ANKMY1: variants seen among roughly 807,000 people sequenced by gnomAD.
The protein encoded by ANKMY1 is ankyrin repeat and MYND domain containing 1, also known as ankyrin repeat and MYND domain-containing protein 1.
In ANKMY1, 98 loss-of-function variants were observed where a neutral mutation model predicts 102.0. That is an observed-to-expected ratio of 0.96 (90% CI 0.82 to 1.14). ANKMY1 has a LOEUF of 1.14. Ranked by LOEUF, ANKMY1 falls within the 50% of genes most tolerant of loss-of-function variation. The pLI is 0.00. For missense variants in ANKMY1, 1,330 were observed against 1,347.6 expected, an observed-to-expected ratio of 0.99 and a Z score of 0.20; for synonymous variants, 582 against 559.9, an observed-to-expected ratio of 1.04 and a Z score of -0.56.
rs555916350 is a variant in ANKMY1, at chr2:240,536,848, T to C, written c.481-7339A>G. On this transcript the variant is annotated intron_variant, in intron 4 of 17. Coordinates refer to ENST00000401804, the MANE Select transcript of ANKMY1 (RefSeq NM_001282771.3). ...CTTAAATGTATAATTTATTGTAATT[T>C]TTTCTCATGCTAAATATTCATTTTG... Among the ~76,000 whole-genome samples, 3 of 152,276 alleles carry C rather than the reference T, an allele frequency of 2.0e-5. No individual in the cohort carries two copies. In the South Asian group the frequency reaches 6.2e-4, roughly 32 times the overall value.
upstream of ANKMY1, chr2:240,561,039 A>C (rs201793117): frequency 2.0e-6 from 3 of 1,525,386 alleles, no homozygotes; most frequent in African/African-American, 1.4e-5. Flanking sequence ...CGCGTACCTC[A>C]TGCGGCACCG....
chr2:240,474,122 G>A, the ANKMY1 span, among the ~76,000 whole-genome samples: 1 of 151,802 alleles, frequency 6.6e-6, no homozygotes, highest in African/African-American at 2.4e-5. Context: ...TTGAGACAGA[G>A]TCTCACTCTG....
intron 15 of ANKMY1, among the ~76,000 whole-genome samples, chr2:240,490,222 G>A (rs1165651281): frequency 6.6e-6 from 1 of 152,126 alleles, no homozygotes; most frequent in Non-Finnish European, 1.5e-5. Context: ...ACTTTTTAAA[G>A]AATCAACTTT....
Position 240,500,509 on chromosome 2 carries a change from C to G in ANKMY1, c.2583G>C (p.Gln861His). The G allele has an allele frequency of 6.2e-7, 1 of 1,614,186 alleles. No homozygotes were observed. Reference sequence around the variant, plus strand: ...CTGTGCCCACTGCCTCCTTTTCTCCCTGCCTGAGCATTACAGGCTTCAGGA... The same window carrying G: ...CTGTGCCCACTGCCTCCTTTTCTCCGTGCCTGAGCATTACAGGCTTCAGGA... ...ADILKPVMLRQGEKEAVGTAV... is the reference protein window; with the variant it reads ...ADILKPVMLRHGEKEAVGTAV... Residue 861 changes from glutamine to histidine, a missense_variant, in exon 14 of 18, where the codon CAG (glutamine) becomes CAC (histidine). Transcript: ENST00000401804.
intron 15 of ANKMY1, among the ~76,000 whole-genome samples, chr2:240,488,090 T>G (rs1337842134): frequency 6.6e-6 from 1 of 152,174 alleles, no homozygotes; most frequent in Non-Finnish European, 1.5e-5. Flanking sequence ...TTTTGAATAT[T>G]TTTATAGTCT....
chr2:240,496,406 AGATAGATG>A (rs1434224786), intron 15 of ANKMY1, among the ~76,000 whole-genome samples: 27 of 90,594 alleles, frequency 3.0e-4, no homozygotes, highest in African/African-American at 3.9e-5. Flanking sequence ...ATAGATAGAT[AGATAGATG>A]TGCTTGATGG....
chr2:240,555,062 G>A lies in ANKMY1; in HGVS notation c.147-7C>T. The A allele has an allele frequency of 6.2e-7, 1 of 1,613,578 alleles. No individual in the cohort carries two copies. Among genetic ancestry groups the A allele is most frequent in the East Asian group, 2.2e-5 (1 of 44,876 alleles). On this transcript the variant is annotated splice_polypyrimidine_tract_variant and splice_region_variant and intron_variant, in intron 2 of 17. Transcript: ENST00000401804. ...AGGGGCTGCTGAAACATCCCTAAAA[G>A]GACAGGAGCAGAAGGAGGGAAGAGT...
chr2:240,529,443 C>A lies in ANKMY1; in HGVS notation c.547G>T (p.Val183Leu), dbSNP rs375615369. ...AGCTGCTCTCGGAACCACAGCCCCA[C>A]GTCCTGGCTGCCATCGGGGTAGGTC... Reference protein sequence around the residue: ...VETYPDGSQDVGLWFREQLIK... With the variant: ...VETYPDGSQDLGLWFREQLIK... The change falls in exon 5 of 18, where the codon GTG becomes TTG. Residue 183 changes from valine (V) to leucine (L), a missense_variant. Coordinates refer to ENST00000401804, the MANE Select transcript of ANKMY1 (RefSeq NM_001282771.3). This position sits in a 1 kb window ranked among gnomAD's most constrained non-coding sequence, Gnocchi z 4.2. The A allele has an allele frequency of 3.1e-6, 5 of 1,613,998 alleles. No homozygotes were observed. The Admixed American group carries it at 8.3e-5, about 27-fold the overall frequency.
intron 4 of ANKMY1, among the ~76,000 whole-genome samples, chr2:240,538,918 C>T (rs920400846): frequency 6.6e-6 from 1 of 152,092 alleles, no homozygotes; most frequent in African/African-American, 2.4e-5. Context: ...ACTTGGAGAA[C>T]TTTTATGTCT....
At chr2:240,483,861 G>C (rs921733779) in intron 15 of ANKMY1, among the ~76,000 whole-genome samples, 2 of 152,036 alleles carry the variant, frequency 1.3e-5, no homozygotes. Flanking sequence ...ACAGGTCCCA[G>C]TGTGTGATTT....
upstream of ANKMY1, chr2:240,560,877 G>C (rs900417524): frequency 2.8e-6 from 4 of 1,437,614 alleles, no homozygotes; most frequent in African/African-American, 1.5e-5. Context: ...CGGCGTGGCA[G>C]AGCTGCGCGT....
At chr2:240,469,440 G>A in the ANKMY1 span, among the ~76,000 whole-genome samples, 3 of 152,198 alleles carry the variant, frequency 2.0e-5, no homozygotes, top group Non-Finnish European at 4.4e-5. Context: ...AGTCCCTCTC[G>A]GTTCCTCACA....
chr2:240,490,279 G>T (rs1012209777), intron 15 of ANKMY1, among the ~76,000 whole-genome samples: 3 of 151,844 alleles, frequency 2.0e-5, no homozygotes, highest in African/African-American at 7.3e-5. Context: ...ATTTAGTTCT[G>T]CTCTGATCTT....
chr2:240,550,009 T>C (rs2091208397), intron 4 of ANKMY1, among the ~76,000 whole-genome samples: 1 of 151,690 alleles, frequency 6.6e-6, no homozygotes. Context: ...AGCCATCCCA[T>C]TACCGGGTAT....
intron 4 of ANKMY1, among the ~76,000 whole-genome samples, chr2:240,543,352 C>CAA (rs1311666573): frequency 1.2e-4 from 14 of 115,486 alleles, no homozygotes; most frequent in Non-Finnish European, 2.2e-4. Context: ...GACTCTTTCT[C>CAA]AAAAAAAAAA....
Position 240,528,261 on chromosome 2 carries a change from C to T in ANKMY1, c.953+776G>A, listed in dbSNP as rs1002723573. On this transcript the variant is annotated intron_variant, in intron 5 of 17. Coordinates refer to ENST00000401804, the MANE Select transcript of ANKMY1 (RefSeq NM_001282771.3). ...AGATCACGCCACGGCACTCCAGCCT[C>T]GGTGACAGAGTGAGACTCTGTGCCT... Among the ~76,000 whole-genome samples, 94 of 151,456 alleles carry T rather than the reference C, an allele frequency of 6.2e-4. 1 individual carries two copies. Among genetic ancestry groups the T allele is most frequent in the East Asian group, 1.2e-3 (6 of 5,140 alleles).
At chr2:240,538,411 G>A (rs965926641) in intron 4 of ANKMY1, among the ~76,000 whole-genome samples, 3 of 152,204 alleles carry the variant, frequency 2.0e-5, no homozygotes, top group Admixed American at 2.0e-4. Context: ...GCAGTGAGGG[G>A]CTTAGCACCT....
Position 240,526,243 on chromosome 2 carries a change from G to C in ANKMY1, c.1156C>G (p.Leu386Val), listed in dbSNP as rs918634966. ...GTGGGGCTTACAGCAGCCGCAGCAAGCACAGTGTAGCCCTTTGCGTCCGCC... is the reference window on the plus strand; with the variant it reads ...GTGGGGCTTACAGCAGCCGCAGCAACCACAGTGTAGCCCTTTGCGTCCGCC... ...DVADAKGYTV[L>V]AAAATHCHND... The change falls in exon 6 of 18, where the codon CTT (leucine) becomes GTT (valine). Residue 386 changes from leucine (L) to valine (V), a missense_variant. Leu to Val is a conservative substitution (Grantham distance 32). Transcript: ENST00000401804. The C allele has an allele frequency of 1.2e-6, 2 of 1,613,950 alleles. No individual in the cohort carries two copies. Among genetic ancestry groups the C allele is most frequent in the African/African-American group, 2.7e-5 (2 of 74,948 alleles).
At chr2:240,482,378 T>C (rs1382119298) in intron 15 of ANKMY1, 117 bp from the exon 16 acceptor site, 12 of 883,752 alleles carry the variant, frequency 1.4e-5, no homozygotes, top group African/African-American at 1.0e-4. Flanking sequence ...GGGAGGCGGA[T>C]AGGGGGAAGC....
Sources: gnomAD v4.1 joint callset for allele counts (sites outside exome capture counted in the v4.1 genomes callset) on GRCh38, gnomAD v4.1.1 for gene constraint, Gnocchi (gnomAD v3.1) non-coding constraint, MANE v1.5 for transcripts, NCBI Gene and HGNC (gene_info 2026-07-23, HGNC 2026-07-21) for gene names.